CCDC73: variants seen among roughly 807,000 people sequenced by gnomAD.
CCDC73 encodes coiled-coil domain-containing protein 73.
CCDC73 carries 95 observed loss-of-function variants against 116.5 expected under a neutral mutation model. The observed-to-expected ratio is 0.82, with a 90% CI of 0.69 to 0.97. The LOEUF (loss-of-function observed/expected upper bound fraction) is 0.97, where lower values mean the gene tolerates loss of function less well. Ranked by LOEUF, CCDC73 falls within the 50% of genes least tolerant of loss-of-function variation. The pLI is 0.00. For missense variants in CCDC73, 1,066 were observed against 1,206.8 expected (o/e 0.88, Z 1.73); for synonymous variants, 398 against 401.3 (o/e 0.99, Z 0.10).
At chr11:32,794,978 C>T (rs1850711423), upstream of CCDC73, among the ~76,000 whole-genome samples, 1 of 151,386 alleles carries the variant, frequency 6.6e-6, no homozygotes, top group Non-Finnish European at 1.5e-5. Flanking sequence ...CATTCTCCTG[C>T]CTCAGCCTCC....
intron 2 of CCDC73, among the ~76,000 whole-genome samples, chr11:32,755,536 A>ATATATATATATATATAT (rs1850325554): frequency 1.7e-5 from 1 of 59,928 alleles, no homozygotes; most frequent in African/African-American, 6.3e-5. Flanking sequence ...TCCATCTCAA[A>ATATATATATATATATAT]ATATATATAT....
rs368110439 is a variant in CCDC73 at position 32,671,473 on chromosome 11, A to G, written c.645+4092T>C. Among the ~76,000 whole-genome samples, 58 of 152,210 alleles carry G rather than the reference A, an allele frequency of 3.8e-4. 1 individual carries two copies. The South Asian group carries it at 0.012, about 31-fold the overall frequency. ...ACTGTTCTGGACAAAATCATAGAAC[A>G]GTATAATAAAAATGGAAATTGTCTT... On this transcript the variant is annotated intron_variant, in intron 9 of 17. Coordinates refer to ENST00000335185, the MANE Select transcript of CCDC73 (RefSeq NM_001008391.4).
intron 12 of CCDC73, among the ~76,000 whole-genome samples, chr11:32,645,278 T>A (rs1855767038): frequency 8.9e-6 from 1 of 111,984 alleles, no homozygotes; most frequent in South Asian, 3.1e-4. Flanking sequence ...AACTTTTTTT[T>A]CTTTTTCTTT....
intron 17 of CCDC73, chr11:32,606,274 A>G (rs1855350181): frequency 6.6e-6 from 1 of 152,230 alleles, no homozygotes; most frequent in Non-Finnish European, 1.5e-5. Context: ...AGTCTTCATA[A>G]AATTCATTTA....
At chr11:32,794,747 T>C (rs1467683919), upstream of CCDC73, 1 of 152,250 alleles carries the variant, frequency 6.6e-6, no homozygotes, top group South Asian at 2.1e-4. Flanking sequence ...ATATGATTGA[T>C]TTTATTTTCT....
intron 9 of CCDC73, among the ~76,000 whole-genome samples, chr11:32,671,072 T>G (rs1273359756): frequency 1.3e-5 from 2 of 152,200 alleles, no homozygotes; most frequent in East Asian, 1.9e-4. Flanking sequence ...CTGTCTGTTT[T>G]CTAACCATTT....
intron 11 of CCDC73, among the ~76,000 whole-genome samples, chr11:32,653,683 G>A (rs1855846429): frequency 6.6e-6 from 1 of 152,092 alleles, no homozygotes. Context: ...ATGAATAATT[G>A]TAAGCATCAA....
intron 14 of CCDC73, among the ~76,000 whole-genome samples, chr11:32,624,069 G>A (rs1341315549): frequency 6.6e-6 from 1 of 151,960 alleles, no homozygotes; most frequent in Non-Finnish European, 1.5e-5. Context: ...GGGCGCAGTG[G>A]CTCAAGTCTG....
chr11:32,779,003 A>C (rs1418522917), intron 1 of CCDC73, among the ~76,000 whole-genome samples: 1 of 152,210 alleles, frequency 6.6e-6, no homozygotes, highest in Non-Finnish European at 1.5e-5. Flanking sequence ...GGTCTTAAGT[A>C]AATAATCTCT....
intron 2 of CCDC73, among the ~76,000 whole-genome samples, chr11:32,731,730 C>G (rs1418546483): frequency 6.6e-6 from 1 of 150,760 alleles, no homozygotes; most frequent in African/African-American, 2.4e-5. Context: ...AACTAACAAA[C>G]AGGACATCCA....
At chr11:32,632,079 T>C (rs1220192334) in intron 14 of CCDC73, among the ~76,000 whole-genome samples, 2 of 152,318 alleles carry the variant, frequency 1.3e-5, no homozygotes, top group African/African-American at 2.4e-5. Context: ...TTAATTTAGG[T>C]GTGGTCAGGG....
intron 2 of CCDC73, among the ~76,000 whole-genome samples, chr11:32,747,302 C>T (rs1850248535): frequency 6.6e-6 from 1 of 152,086 alleles, no homozygotes; most frequent in Admixed American, 6.5e-5. Context: ...CCTCTGGAAG[C>T]TTCGTCCCAG....
chr11:32,811,621 GGAAACTTATATTATGTCA>G, the CCDC73 span, among the ~76,000 whole-genome samples: 1 of 152,080 alleles, frequency 6.6e-6, no homozygotes, highest in Non-Finnish European at 1.5e-5. Context: ...TGAGGCCTCA[GGAAACTTATATTATGTCA>G]GAAGGCAAAG....
At chr11:32,803,352 A>T in the CCDC73 span, among the ~76,000 whole-genome samples, 39,373 of 152,048 alleles carry the variant, frequency 0.26, 6,097 homozygotes, top group East Asian at 0.79. Flanking sequence ...TGGCCTCCCA[A>T]AGTGCTGGGA....
At chr11:32,630,346 T>C (rs1855620704) in intron 14 of CCDC73, among the ~76,000 whole-genome samples, 1 of 152,186 alleles carries the variant, frequency 6.6e-6, no homozygotes, top group South Asian at 2.1e-4. Context: ...TGTTTTGTTT[T>C]GCGGGGAAGG....
chr11:32,741,771 T>C (rs4459276), intron 2 of CCDC73, among the ~76,000 whole-genome samples: 114,581 of 151,952 alleles, frequency 0.75, 43,352 homozygotes, highest in East Asian at 0.93. Flanking sequence ...CAACCTGTCA[T>C]GTACATTAGG....
the CCDC73 span, chr11:32,829,808 A>G: frequency 5.3e-5 from 52 of 985,294 alleles, no homozygotes; most frequent in Admixed American, 1.2e-4. Flanking sequence ...GGCGGCTGAG[A>G]GCGCAGCGCG....
chr11:32,755,536 A>AATGT (rs1554968831), intron 2 of CCDC73, among the ~76,000 whole-genome samples: 1 of 59,928 alleles, frequency 1.7e-5, no homozygotes, highest in Non-Finnish European at 3.2e-5. Flanking sequence ...TCCATCTCAA[A>AATGT]ATATATATAT....
intron 1 of CCDC73, among the ~76,000 whole-genome samples, chr11:32,771,456 T>C (rs1850491869): frequency 6.6e-6 from 1 of 152,198 alleles, no homozygotes; most frequent in Admixed American, 6.5e-5. Flanking sequence ...AGAAATGCCA[T>C]GAACTAGTGA....
Sources: gnomAD v4.1 joint callset for allele counts (sites outside exome capture counted in the v4.1 genomes callset) on GRCh38, gnomAD v4.1.1 for gene constraint, MANE v1.5 for transcripts, NCBI Gene and HGNC (gene_info 2026-07-23, HGNC 2026-07-21) for gene names.